Variants in ZNF609 observed in about 807,000 individuals in gnomAD.
ZNF609 encodes the protein zinc finger protein 609.
In ZNF609, 11 loss-of-function variants were observed where a neutral mutation model predicts 109.5. The ratio of observed to expected loss-of-function variants is 0.10; its 90% CI spans 0.06 to 0.17. The LOEUF is 0.17. Among genes scored for constraint, ZNF609 ranks in the 10% least tolerant of loss-of-function variants. ZNF609 has a pLI of 1.00. For missense variants in ZNF609, 1,559 were observed against 1,772.4 expected (o/e 0.88, Z 2.16); for synonymous variants, 646 against 662.0 (o/e 0.98, Z 0.37).
chr15:64,492,355 C>T (rs534590817), intron 1 of ZNF609, among the ~76,000 whole-genome samples: 1 of 152,232 alleles, frequency 6.6e-6, no homozygotes, highest in Non-Finnish European at 1.5e-5. Context: ...TTTCATAGAA[C>T]TCAAATGGGT....
chr15:64,617,891 T>G (rs1463008031), intron 2 of ZNF609, among the ~76,000 whole-genome samples: 1 of 152,158 alleles, frequency 6.6e-6, no homozygotes, highest in Non-Finnish European at 1.5e-5. Context: ...CAAGCTTTTG[T>G]TTTGTTGTTT....
chr15:64,579,261 C>G lies in ZNF609; in HGVS notation c.748-43566C>G, dbSNP rs554093117. 3.3e-5 allele frequency among the ~76,000 whole-genome samples: 5 copies of G among 151,688 alleles called. No individual in the cohort carries two copies. In the South Asian group the frequency reaches 1.0e-3, roughly 32 times the overall value. On this transcript the variant is annotated intron_variant, in intron 2 of 9. Transcript: ENST00000326648. ...AAACAAAAAGAAGTGATGGTACATG[C>G]AAAGAAGTGATGGTACATGCATGCC...
At chr15:64,534,763 T>C (rs976610795) in intron 2 of ZNF609, among the ~76,000 whole-genome samples, 11 of 151,914 alleles carry the variant, frequency 7.2e-5, no homozygotes, top group Non-Finnish European at 1.6e-4. Context: ...CCCGGTGCAG[T>C]GGCTCACACC....
At chr15:64,676,580 G>A (rs1168260906) in intron 5 of ZNF609, among the ~76,000 whole-genome samples, 10 of 151,034 alleles carry the variant, frequency 6.6e-5, no homozygotes, top group African/African-American at 9.8e-5. Flanking sequence ...ACAGGCACAC[G>A]CCACCATGCC....
In ZNF609 at chr15:64,685,020, G is replaced by A. The variant is rs373366704; in HGVS notation, c.*3334G>A. The A allele has an allele frequency of 2.0e-5, 3 of 152,688 alleles. No homozygotes were observed. Among genetic ancestry groups the A allele is most frequent in the East Asian group, 1.9e-4 (1 of 5,194 alleles). 9.5% of individuals were successfully genotyped at this position (152,688 alleles called of 1,614,324 possible). On this transcript the variant is annotated 3_prime_UTR_variant, in exon 10 of 10. Coordinates refer to ENST00000326648, the MANE Select transcript of ZNF609 (RefSeq NM_015042.2). The stretch of plus-strand genomic sequence containing the variant: ...TGCTCAGCCCTCCCATTGGGAGCAG[G>A]TTGGGGCGAGCTGGAGGCCCGGGCT...
rs145962065 is a variant in ZNF609 at position 64,680,677 on chromosome 15, G to A, written c.3977G>A (p.Arg1326Gln). 60 of 1,607,374 alleles carry A rather than the reference G, an allele frequency of 3.7e-5. No homozygotes were observed. The African/African-American group carries it at 5.4e-4, about 14-fold the overall frequency. Residue 1326 changes from arginine (R) to glutamine (Q), a missense_variant, in exon 8 of 10, where the codon CGA becomes CAA. Arg to Gln is a conservative substitution (Grantham distance 43). This residue lies in a region of ZNF609 where 1,204 missense variants were observed against 1,314.1 expected (regional missense o/e 0.92). Transcript: ENST00000326648. ...GATAAAACTTCTCAGGAGAGAGATC[G>A]AGGAGGCTGTGGGGTGGTTGGGGGT... ...ISDKTSQERD[R>Q]GGCGVVGGGG...
chr15:64,614,833 T>C (rs1174908200), intron 2 of ZNF609, among the ~76,000 whole-genome samples: 1 of 147,546 alleles, frequency 6.8e-6, no homozygotes, highest in African/African-American at 2.5e-5. Flanking sequence ...TTTTTTTTTT[T>C]TTTTAGGCAG....
At chr15:64,640,836 GGTGAAAC>G (rs990790128) in intron 3 of ZNF609, among the ~76,000 whole-genome samples, 6 of 152,164 alleles carry the variant, frequency 3.9e-5, no homozygotes, top group African/African-American at 1.2e-4. Flanking sequence ...TTAAGGGTGT[GGTGAAAC>G]AGCCTTTGTG....
At chr15:64,463,983 CAT>C (rs1240792829) in intron 1 of ZNF609, among the ~76,000 whole-genome samples, 1 of 152,124 alleles carries the variant, frequency 6.6e-6, no homozygotes, top group East Asian at 1.9e-4. Context: ...CAAGGAATCT[CAT>C]GTGAGTCTTC....
chr15:64,676,545 C>A (rs986490520), intron 5 of ZNF609, among the ~76,000 whole-genome samples: 2 of 152,010 alleles, frequency 1.3e-5, no homozygotes, highest in Non-Finnish European at 2.9e-5. Flanking sequence ...ATTCTCCTGC[C>A]TCAGCCTCCC....
At chr15:64,640,408 T>TG (rs1896236999) in intron 3 of ZNF609, among the ~76,000 whole-genome samples, 1 of 152,066 alleles carries the variant, frequency 6.6e-6, no homozygotes, top group Non-Finnish European at 1.5e-5. Flanking sequence ...TTTTTTTTTT[T>TG]TACTGAGAGT....
chr15:64,669,356 T>C (rs1896693540), intron 3 of ZNF609, among the ~76,000 whole-genome samples: 1 of 152,208 alleles, frequency 6.6e-6, no homozygotes, highest in Non-Finnish European at 1.5e-5. Flanking sequence ...ATGAAGTAGT[T>C]CTCTGTCTAC....
chr15:64,677,987 C>A, intron 5 of ZNF609, 129 bp from the exon 6 acceptor site: 1 of 1,298,648 alleles, frequency 7.7e-7, no homozygotes, highest in Non-Finnish European at 1.1e-6. Context: ...TCAGTAGAGG[C>A]CAAAATCCTA....
At chr15:64,610,192 A>T (rs1462570992) in intron 2 of ZNF609, among the ~76,000 whole-genome samples, 14 of 152,060 alleles carry the variant, frequency 9.2e-5, no homozygotes, top group Admixed American at 8.5e-4. Flanking sequence ...AAAATTAAAA[A>T]TTGAGCAAAC....
At chr15:64,470,797 G>A (rs1159750988) in intron 1 of ZNF609, among the ~76,000 whole-genome samples, 1 of 152,192 alleles carries the variant, frequency 6.6e-6, no homozygotes, top group Non-Finnish European at 1.5e-5. Flanking sequence ...TGGGATTACA[G>A]GCGTGAGCCA....
chr15:64,561,585 G>A (rs1418873408), intron 2 of ZNF609, among the ~76,000 whole-genome samples: 1 of 145,938 alleles, frequency 6.9e-6, no homozygotes, highest in African/African-American at 2.5e-5. Flanking sequence ...GATTTAGATG[G>A]GGTCTGCCTG....
intron 2 of ZNF609, among the ~76,000 whole-genome samples, chr15:64,592,366 C>G (rs1595730930): frequency 6.6e-6 from 1 of 152,176 alleles, no homozygotes; most frequent in East Asian, 1.9e-4. Context: ...CACTTGGGGC[C>G]AGGAATTTGA....
At chr15:64,636,408 T>C (rs1025700181) in intron 3 of ZNF609, among the ~76,000 whole-genome samples, 2 of 152,218 alleles carry the variant, frequency 1.3e-5, no homozygotes, top group Non-Finnish European at 1.5e-5. Context: ...CCTTAGGGTA[T>C]CTAAAAGCAG....
intron 2 of ZNF609, among the ~76,000 whole-genome samples, chr15:64,510,493 A>G (rs370199054): frequency 6.6e-6 from 1 of 152,092 alleles, no homozygotes; most frequent in Non-Finnish European, 1.5e-5. Flanking sequence ...GGTGTGAGTC[A>G]CCATGCTCAC....
Sources: allele counts gnomAD v4.1 joint callset (sites outside exome capture counted in the v4.1 genomes callset), GRCh38; gene constraint gnomAD v4.1.1; regional missense constraint gnomAD v4.1.1; transcripts MANE v1.5; gene names NCBI Gene and HGNC (gene_info 2026-07-23, HGNC 2026-07-21).